The following MEFV variants were observed in gnomAD, a reference collection of about 807,000 sequenced individuals.
MEFV encodes the protein pyrin.
A neutral mutation model predicts 62.5 loss-of-function variants in MEFV; 60 were observed. The observed-to-expected ratio is 0.96, with a 90% confidence interval of 0.78 to 1.19. The LOEUF (loss-of-function observed/expected upper bound fraction) is 1.19. MEFV is among the 50% of genes most tolerant of loss of function. MEFV has a pLI of 0.00. For missense variants in MEFV, 1,169 were observed against 1,004.5 expected, an observed-to-expected ratio of 1.16 and a Z score of -2.21; for synonymous variants, 500 against 415.2, an observed-to-expected ratio of 1.20 and a Z score of -2.48.
Position 3,247,017 on chromosome 16 carries a change from T to C in MEFV, c.1586A>G (p.Gln529Arg). ...KECQSEWELL[Q>R]DIGDILHRAK... The stretch of plus-strand genomic sequence containing the variant: ...AAAGCCGGGCCCAGGCACACCCACC[T>C]GCAGAAGTTCCCATTCTGACTGGCA... The change falls in exon 5 of 10, where the codon CAG (glutamine) becomes CGG (arginine). Residue 529 changes from glutamine to arginine, a missense_variant and splice_region_variant. Transcript: ENST00000219596. 1 of 1,614,146 alleles carries C rather than the reference T, an allele frequency of 6.2e-7. No individual in the cohort carries two copies. Among genetic ancestry groups the C allele is most frequent in the Non-Finnish European group, 8.5e-7 (1 of 1,179,992 alleles).
Position 3,243,305 on chromosome 16 carries a change from T to C in MEFV, c.2182A>G (p.Ser728Gly). Residue 728 changes from serine to glycine, a missense_variant, in exon 10 of 10, where the codon AGC (serine) becomes GGC (glycine). Ser to Gly is a moderately conservative substitution (Grantham distance 56, BLOSUM62 0). Coordinates refer to ENST00000219596, the MANE Select transcript of MEFV (RefSeq NM_000243.3). Reference protein sequence around the residue: ...VGIFVDYRVGSISFYNVTARS... With the variant: ...VGIFVDYRVGGISFYNVTARS... Reference sequence around the variant, plus strand: ...GCTGTCACATTGTAAAAGGAGATGCTTCCAACTCTGTAGTCCACGAAGATG... The same window carrying C: ...GCTGTCACATTGTAAAAGGAGATGCCTCCAACTCTGTAGTCCACGAAGATG... 1 of 1,614,162 alleles carries C rather than the reference T, an allele frequency of 6.2e-7. No individual in the cohort carries two copies. Among genetic ancestry groups the C allele is most frequent in the South Asian group, 1.1e-5 (1 of 91,084 alleles).
At chr16:3,247,521 C>G (rs967753526) in intron 4 of MEFV, 3 of 491,490 alleles carry the variant, frequency 6.1e-6, no homozygotes, top group Admixed American at 3.4e-5. Context: ...CCCTAACCCC[C>G]AGTACTCAGC....
Position 3,247,233 on chromosome 16 carries a change from G to A in MEFV, c.1370C>T (p.Ala457Val), listed in dbSNP as rs104895151. The A allele has an allele frequency of 1.5e-4, 248 of 1,614,008 alleles. 1 individual carries two copies. The highest frequency in any genetic ancestry group is 6.6e-4 in the Middle Eastern group (4 of 6,084). Residue 457 changes from alanine (A) to valine (V), a missense_variant, in exon 5 of 10, where the codon GCG becomes GTG. Coordinates refer to ENST00000219596, the MANE Select transcript of MEFV (RefSeq NM_000243.3). ...CTTCCTCTGCACCCGCTGCTTCAGC[G>A]CTTCAGTTTGTTTCTGGGGAGCAGA... ...KAVSFLKQTE[A>V]LKQRVQRKLE...
intron 2 of MEFV, 81 bp from the exon 3 acceptor site, chr16:3,249,861 C>T (rs375316360): frequency 4.4e-6 from 5 of 1,135,822 alleles, no homozygotes; most frequent in East Asian, 5.1e-5. Context: ...ACAGCGGACA[C>T]AGCCCTTGCC....
In MEFV at chr16:3,244,495, C is replaced by T; in HGVS notation, c.1704G>A (p.Glu568=). Residue 568 remains glutamate, a synonymous_variant, in exon 7 of 10, where the codon GAG becomes GAA. Transcript: ENST00000219596. ...TACCTGAGAAGTACTTTGTGCTCTT[C>T]TCCACAAACTCTGACTTCTGGTGGA... is the stretch of plus-strand genomic sequence containing the variant. ...QLLHQKSEFV[E]KSTKYFSETL... 1.2e-6 allele frequency: 2 copies of T among 1,614,088 alleles called. No homozygotes were observed. The highest frequency in any genetic ancestry group is 1.1e-5 in the South Asian group (1 of 91,086).
In MEFV at chr16:3,254,490, G is replaced by A. The variant is rs778534523; in HGVS notation, c.578C>T (p.Ala193Val). 2.5e-5 allele frequency: 40 copies of A among 1,582,766 alleles called. No homozygotes were observed. Among genetic ancestry groups the A allele is most frequent in the Non-Finnish European group, 3.0e-5 (35 of 1,167,066 alleles). The change falls in exon 2 of 10, where the codon GCG becomes GTG. Residue 193 changes from alanine (A) to valine (V), a missense_variant. Transcript: ENST00000219596. ...GACCTCGGCCTGGCCCCCCTCTAGC[G>A]CCCTGCAGGGGCCGGGGCTTCTCCC... ...PGGRSPGPCR[A>V]LEGGQAEVRL...
intron 2 of MEFV, among the ~76,000 whole-genome samples, chr16:3,253,032 C>A (rs1959059929): frequency 6.6e-6 from 1 of 151,000 alleles, no homozygotes; most frequent in Admixed American, 6.6e-5. Flanking sequence ...ACCTGGATAG[C>A]CTCGGTACCC....
At position 3,244,302 on chromosome 16, in the gene MEFV, G is replaced by C. The variant is rs369343700; in HGVS notation, c.1727-16C>G. The C allele has an allele frequency of 1.9e-5, 31 of 1,613,886 alleles. No individual in the cohort carries two copies. The highest frequency in any genetic ancestry group is 2.5e-5 in the Non-Finnish European group (29 of 1,180,000). On this transcript the variant is annotated splice_polypyrimidine_tract_variant and intron_variant, in intron 7 of 9. Transcript: ENST00000219596. ...CGCAGGGTTTCTAAAATGTGGGAAA[G>C]GGAGCAGAGAGAAGCTGGAGTTAGG...
In MEFV at chr16:3,247,221, C is replaced by A. The variant is rs145637617; in HGVS notation, c.1382G>T (p.Arg461Leu). 6.2e-7 allele frequency: 1 copy of A among 1,614,126 alleles called. No individual in the cohort carries two copies. Among genetic ancestry groups the A allele is most frequent in the South Asian group, 1.1e-5 (1 of 91,076 alleles). ...FLKQTEALKQ[R>L]VQRKLEQVYY... The stretch of plus-strand genomic sequence containing the variant: ...CACCTGCTCCAGCTTCCTCTGCACC[C>A]GCTGCTTCAGCGCTTCAGTTTGTTT... The change falls in exon 5 of 10, where the codon CGG becomes CTG. Residue 461 changes from arginine to leucine, a missense_variant. Coordinates refer to ENST00000219596, the MANE Select transcript of MEFV (RefSeq NM_000243.3).
rs61752717 is a variant in MEFV, at chr16:3,243,407, T to A, written c.2080A>T (p.Met694Leu). 1.2e-6 allele frequency: 2 copies of A among 1,614,154 alleles called. No individual in the cohort carries two copies. Among genetic ancestry groups the A allele is most frequent in the Non-Finnish European group, 8.5e-7 (1 of 1,180,014 alleles). Residue 694 changes from methionine to leucine, a missense_variant, in exon 10 of 10, where the codon ATG becomes TTG. By Grantham distance (15) the Met-to-Leu change is conservative. Coordinates refer to ENST00000219596, the MANE Select transcript of MEFV (RefSeq NM_000243.3). ...GACGCCTGGTACTCATTTTCCTTCA[T>A]CATTATCACCACCCAGTAGCCATTC... ...PENGYWVVIM[M>L]KENEYQASSV...
At chr16:3,253,645 C>T (rs979139233) in intron 2 of MEFV, among the ~76,000 whole-genome samples, 2 of 152,104 alleles carry the variant, frequency 1.3e-5, no homozygotes, top group Non-Finnish European at 2.9e-5. Flanking sequence ...TCCTGAGTGG[C>T]TAGAATTACA....
intron 2 of MEFV, among the ~76,000 whole-genome samples, chr16:3,252,868 T>G (rs1959057434): frequency 6.7e-6 from 1 of 149,538 alleles, no homozygotes; most frequent in Non-Finnish European, 1.5e-5. Flanking sequence ...GAGGATCGCT[T>G]GAGCCTAGGA....
intron 2 of MEFV, among the ~76,000 whole-genome samples, chr16:3,251,618 A>AT (rs1405200048): frequency 6.4e-4 from 97 of 152,356 alleles, no homozygotes; most frequent in African/African-American, 2.2e-3. Flanking sequence ...GTAGATAGTT[A>AT]GGACTTTAGC....
At chr16:3,252,949 CAAAAAAAAAAAA>C (rs5815167) in intron 2 of MEFV, among the ~76,000 whole-genome samples, 3 of 51,668 alleles carry the variant, frequency 5.8e-5, no homozygotes, top group African/African-American at 1.6e-4. Context: ...GACTCTGTCT[CAAAAAAAAAAAA>C]AAAAAAAAAA....
At chr16:3,255,417 T>C (rs1378238809) in intron 1 of MEFV, among the ~76,000 whole-genome samples, 1 of 152,120 alleles carries the variant, frequency 6.6e-6, no homozygotes, top group Non-Finnish European at 1.5e-5. Flanking sequence ...CTCTCTTATT[T>C]TATTTTTTGA....
intron 2 of MEFV, among the ~76,000 whole-genome samples, chr16:3,250,610 A>AG (rs1275446508): frequency 3.3e-5 from 5 of 151,732 alleles, no homozygotes; most frequent in Non-Finnish European, 5.9e-5. Context: ...AAAGCAAAGA[A>AG]GGGGGGCATT....
intron 3 of MEFV, 68 bp downstream of exon 3, chr16:3,249,363 A>G: frequency 7.0e-7 from 1 of 1,432,360 alleles, no homozygotes; most frequent in Non-Finnish European, 9.8e-7. Context: ...AGTTGTTGGG[A>G]AAATGAAGTA....
rs751508536 is a variant in MEFV at position 3,248,997 on chromosome 16, A to C, written c.1268T>G (p.Ile423Ser). The C allele has an allele frequency of 5.0e-6, 8 of 1,613,990 alleles. No homozygotes were observed. The highest frequency in any genetic ancestry group is 5.9e-6 in the Non-Finnish European group (7 of 1,179,986). ...EEVALEHKKK[I>S]QKQLEHLKKL... Reference sequence around the variant, plus strand: ...CTTCAGATGCTCCAGCTGCTTCTGAATTTTCTTCTGGAAAAACAGCACTTG... The same window carrying C: ...CTTCAGATGCTCCAGCTGCTTCTGACTTTTCTTCTGGAAAAACAGCACTTG... Residue 423 changes from isoleucine to serine, a missense_variant, in exon 4 of 10, where the codon ATT becomes AGT. Transcript: ENST00000219596.
intron 4 of MEFV, 111 bp downstream of exon 4, chr16:3,248,798 G>C (rs1208100666): frequency 1.3e-6 from 2 of 1,598,286 alleles, no homozygotes; most frequent in Non-Finnish European, 1.7e-6. Context: ...CCTGAGAGGA[G>C]GTGGCCATCC....
Sources: gnomAD v4.1 joint callset for allele counts (sites outside exome capture counted in the v4.1 genomes callset) on GRCh38, gnomAD v4.1.1 for gene constraint, MANE v1.5 for transcripts, NCBI Gene and HGNC (gene_info 2026-07-23, HGNC 2026-07-21) for gene names.